SEPTIN7: variants seen among roughly 807,000 people sequenced by gnomAD.
SEPTIN7 encodes the protein septin-7.
A neutral mutation model predicts 63.3 loss-of-function variants in SEPTIN7; 10 were observed. The observed-to-expected ratio is 0.16, with a 90% CI of 0.10 to 0.27. The LOEUF is 0.27. Among genes scored for constraint, SEPTIN7 ranks in the 10% least tolerant of loss-of-function variants. The probability of loss-of-function intolerance (pLI) is 1.00; values close to 1 mark genes in which losing one functional copy is unlikely to be tolerated. For missense variants in SEPTIN7, 310 were observed against 521.0 expected (o/e 0.59, Z 3.94); for synonymous variants, 131 against 165.3 (o/e 0.79, Z 1.59).
At chr7:35,874,458 T>C (rs1786348964) in intron 6 of SEPTIN7, among the ~76,000 whole-genome samples, 1 of 152,110 alleles carries the variant, frequency 6.6e-6, no homozygotes, top group South Asian at 2.1e-4. Flanking sequence ...CTGCAGAATT[T>C]TCCAGTTATT....
chr7:35,835,946 T>TTGTA (rs1784062761), intron 3 of SEPTIN7, among the ~76,000 whole-genome samples: 1 of 152,174 alleles, frequency 6.6e-6, no homozygotes, highest in African/African-American at 2.4e-5. Flanking sequence ...GGTTGTTAGC[T>TTGTA]TGTATGTAAT....
chr7:35,838,401 G>C (rs1236087116), intron 3 of SEPTIN7, among the ~76,000 whole-genome samples: 1 of 101,000 alleles, frequency 9.9e-6, no homozygotes, highest in Admixed American at 1.1e-4. Context: ...ACAGGGTCTT[G>C]CTTTGTCACC....
chr7:35,807,059 T>C (rs1788390213), intron 1 of SEPTIN7, among the ~76,000 whole-genome samples: 1 of 152,224 alleles, frequency 6.6e-6, no homozygotes. Context: ...GTAAACTTTG[T>C]TCATTGATTT....
At chr7:35,850,076 A>G (rs74626938) in intron 3 of SEPTIN7, among the ~76,000 whole-genome samples, 10,764 of 152,252 alleles carry the variant, frequency 0.071, 425 homozygotes, top group South Asian at 0.18. Flanking sequence ...ATCATTTGGG[A>G]AGCTTCTTCA....
chr7:35,805,355 A>G (rs1341043780), intron 1 of SEPTIN7, among the ~76,000 whole-genome samples: 2 of 152,254 alleles, frequency 1.3e-5, no homozygotes, highest in Non-Finnish European at 2.9e-5. Flanking sequence ...CTATACTGCA[A>G]ATAAAAAAAG....
At chr7:35,858,684 T>TC (rs1411994929) in intron 3 of SEPTIN7, among the ~76,000 whole-genome samples, 1 of 149,062 alleles carries the variant, frequency 6.7e-6, no homozygotes, top group Non-Finnish European at 1.5e-5. Flanking sequence ...TCTTTTTCTT[T>TC]TTTTTTTTTT....
chr7:35,801,669 G>C (rs142073149), intron 1 of SEPTIN7, among the ~76,000 whole-genome samples: 1,743 of 152,274 alleles, frequency 0.011, 32 homozygotes, highest in African/African-American at 0.041. Context: ...GCTTCCTCCT[G>C]TCCCCGGCCG....
intron 1 of SEPTIN7, among the ~76,000 whole-genome samples, chr7:35,814,803 G>A (rs763182131): frequency 4.0e-5 from 6 of 151,808 alleles, no homozygotes; most frequent in Admixed American, 6.6e-5. Context: ...GTGAAACCCC[G>A]TCTCTACTAA....
At chr7:35,862,398 A>G in intron 3 of SEPTIN7, among the ~76,000 whole-genome samples, 1 of 152,322 alleles carries the variant, frequency 6.6e-6, no homozygotes, top group South Asian at 2.1e-4. Flanking sequence ...ACATTATTGT[A>G]TATACTAAAA....
the SEPTIN7 span, among the ~76,000 whole-genome samples, chr7:35,915,265 A>G: frequency 1.3e-5 from 2 of 152,002 alleles, no homozygotes; most frequent in Non-Finnish European, 2.9e-5. Context: ...ACACATATAT[A>G]TATATACACA....
intron 3 of SEPTIN7, among the ~76,000 whole-genome samples, chr7:35,837,906 T>C (rs1784157005): frequency 6.6e-6 from 1 of 151,960 alleles, no homozygotes; most frequent in African/African-American, 2.4e-5. Context: ...GTATTTTTAG[T>C]AGAGATAGGG....
intron 11 of SEPTIN7, among the ~76,000 whole-genome samples, chr7:35,895,493 AAC>A (rs1245030468): frequency 5.3e-5 from 8 of 152,238 alleles, no homozygotes; most frequent in African/African-American, 9.6e-5. Context: ...TTCTTTTAGA[AAC>A]ACACATTTGC....
chr7:35,910,040 G>A (rs547621606), downstream of SEPTIN7, among the ~76,000 whole-genome samples: 8 of 152,310 alleles, frequency 5.3e-5, no homozygotes, highest in African/African-American at 1.9e-4. Flanking sequence ...ACGTTAAGAG[G>A]CCTCAGCCCC....
chr7:35,875,196 G>T (rs1414601740), intron 6 of SEPTIN7, among the ~76,000 whole-genome samples: 3 of 152,148 alleles, frequency 2.0e-5, no homozygotes, highest in Non-Finnish European at 4.4e-5. Context: ...ATATTCAAAT[G>T]ATATGTAGTG....
chr7:35,808,623 A>G (rs1788502623), intron 1 of SEPTIN7, among the ~76,000 whole-genome samples: 1 of 152,192 alleles, frequency 6.6e-6, no homozygotes, highest in Non-Finnish European at 1.5e-5. Flanking sequence ...CTTAAATGCT[A>G]CTTCCTTTGG....
At chr7:35,804,135 G>T (rs936465193) in intron 1 of SEPTIN7, among the ~76,000 whole-genome samples, 5 of 152,094 alleles carry the variant, frequency 3.3e-5, no homozygotes, top group Non-Finnish European at 7.4e-5. Context: ...AGTCCGTGTG[G>T]CTTTTTCTTA....
At chr7:35,880,196 CTCTTT>C (rs1276925116) in intron 7 of SEPTIN7, among the ~76,000 whole-genome samples, 14 of 79,610 alleles carry the variant, frequency 1.8e-4, no homozygotes, top group Non-Finnish European at 2.2e-4. Context: ...TTTTTCTTTT[CTCTTT>C]TCTTTTCTTT....
chr7:35,906,157 G>T lies in SEPTIN7; in HGVS notation c.*1864G>T, dbSNP rs1175150893. 2 of 152,120 alleles carry T rather than the reference G, an allele frequency of 1.3e-5. No homozygotes were observed. The highest frequency in any genetic ancestry group is 2.4e-5 in the African/African-American group (1 of 41,406). 9.4% of individuals were successfully genotyped at this position (152,120 alleles called of 1,614,324 possible). On this transcript the variant is annotated 3_prime_UTR_variant, in exon 14 of 14. Transcript: ENST00000350320. ...AAAAAATGTATATAGACTGCCTGCT[G>T]AACTGGTTAAGTACTACTGCTTCTG...
Position 35,880,223 on chromosome 7 carries a change from C to CTTTTTTTTTTTTTTTTTTTTTTTTTTTT in SEPTIN7, c.630+303_630+304insTTTTTTTTTTTTTTTTTTTTTTTTTTTT. On this transcript the variant is annotated intron_variant, in intron 7 of 13. Transcript: ENST00000350320. ...CTTTTCTTTTCTTTTTTTTTCTTTTCTTTTTTTTTTTTTTTTTTTTGAATT... is the reference window on the plus strand; with the variant it reads ...CTTTTCTTTTCTTTTTTTTTCTTTTCTTTTTTTTTTTTTTTTTTTTTTTTTTTTTTTTTTTTTTTTTTTTTTTTGAATT... Among the ~76,000 whole-genome samples the CTTTTTTTTTTTTTTTTTTTTTTTTTTTT allele has an allele frequency of 2.0e-3, 147 of 72,812 alleles. 1 individual carries two copies. The highest frequency in any genetic ancestry group is 2.6e-3 in the African/African-American group (43 of 16,788). The allele number at this position is 72,812 out of a possible 152,430, so 47.8% of individuals were successfully genotyped here.
Sources: allele counts gnomAD v4.1 joint callset (sites outside exome capture counted in the v4.1 genomes callset), GRCh38; gene constraint gnomAD v4.1.1; transcripts MANE v1.5; gene names NCBI Gene and HGNC (gene_info 2026-07-23, HGNC 2026-07-21).